Variants in PDK1 observed in about 807,000 individuals in gnomAD.
PDK1 encodes the protein pyruvate dehydrogenase kinase 1.
Under a neutral mutation model 54.2 loss-of-function variants are expected in PDK1, and 39 were observed. The ratio of observed to expected loss-of-function variants is 0.72; its 90% CI spans 0.56 to 0.94. The LOEUF (loss-of-function observed/expected upper bound fraction) is 0.94. Among genes scored for constraint, PDK1 ranks in the 40% least tolerant of loss-of-function variants. The pLI is 0.00. For synonymous variants in PDK1, 221 were observed against 207.1 expected (o/e 1.07, Z -0.58); for missense variants, 552 against 566.0 (o/e 0.98, Z 0.25).
At chr2:172,659,645 A>G in the PDK1 span, among the ~76,000 whole-genome samples, 4 of 152,344 alleles carry the variant, frequency 2.6e-5, no homozygotes, top group East Asian at 5.8e-4. Flanking sequence ...AAAAACTCAT[A>G]ATTTTGAATC....
chr2:172,556,059 C>T, upstream of PDK1: 2 of 989,810 alleles, frequency 2.0e-6, no homozygotes, highest in Non-Finnish European at 2.7e-6. Flanking sequence ...CCGATCCCCG[C>T]CCCTGCTGCC....
chr2:172,624,019 TTCTC>T, the PDK1 span, among the ~76,000 whole-genome samples: 3 of 152,182 alleles, frequency 2.0e-5, no homozygotes, highest in Non-Finnish European at 4.4e-5. Context: ...GAGCCTTTCT[TTCTC>T]TGTTCCTCTC....
the PDK1 span, among the ~76,000 whole-genome samples, chr2:172,632,444 T>C: frequency 2.8e-4 from 42 of 152,176 alleles, no homozygotes. Context: ...TTTAGTGAGT[T>C]TTTTTGGTAA....
intron 10 of PDK1, 123 bp from the exon 11 acceptor site, chr2:172,595,706 A>G (rs1401227037): frequency 1.4e-6 from 1 of 703,932 alleles, no homozygotes; most frequent in Non-Finnish European, 2.4e-6. Context: ...TGGTATAAGG[A>G]TTAATAAGAT....
In PDK1 at chr2:172,603,434, G is replaced by T. The variant is rs982820567; in HGVS notation, c.*7465G>T. Reference sequence around the variant, plus strand: ...TAACTAGTGGAAATCCTGATAATTGGCTAATGCAAGGAAGTGATACCCATG... The same window carrying T: ...TAACTAGTGGAAATCCTGATAATTGTCTAATGCAAGGAAGTGATACCCATG... On this transcript the variant is annotated 3_prime_UTR_variant, in exon 11 of 11. Coordinates refer to ENST00000282077, the MANE Select transcript of PDK1 (RefSeq NM_002610.5). 1 of 152,182 alleles carries T rather than the reference G, an allele frequency of 6.6e-6. No homozygotes were observed. The highest frequency in any genetic ancestry group is 2.4e-5 in the African/African-American group (1 of 41,434). 9.4% of individuals were successfully genotyped at this position (152,182 alleles called of 1,614,324 possible).
the PDK1 span, among the ~76,000 whole-genome samples, chr2:172,631,254 T>A: frequency 7.1e-4 from 108 of 152,360 alleles, no homozygotes; most frequent in Admixed American, 1.2e-3. Context: ...TCCCATCCCA[T>A]CGTATGTCAT....
At chr2:172,704,798 GAAGAAATGGTCACA>G in the PDK1 span, among the ~76,000 whole-genome samples, 103 of 152,204 alleles carry the variant, frequency 6.8e-4, no homozygotes, top group South Asian at 1.2e-3. Context: ...GAGGCTAAGT[GAAGAAATGGTCACA>G]TAGAACTGTA....
the PDK1 span, among the ~76,000 whole-genome samples, chr2:172,634,734 T>C: frequency 6.6e-6 from 1 of 150,560 alleles, no homozygotes; most frequent in Non-Finnish European, 1.5e-5. Flanking sequence ...CAATCCTACC[T>C]TCTAATCTCT....
the PDK1 span, among the ~76,000 whole-genome samples, chr2:172,619,059 A>G: frequency 6.6e-6 from 1 of 152,140 alleles, no homozygotes; most frequent in African/African-American, 2.4e-5. Flanking sequence ...TCTTCCTAGT[A>G]CTCATACATT....
intron 5 of PDK1, among the ~76,000 whole-genome samples, chr2:172,565,921 T>C (rs1574473822): frequency 6.6e-6 from 1 of 152,248 alleles, no homozygotes. Context: ...TAGGTTGTTT[T>C]AATTTTTTTC....
At chr2:172,649,501 A>G in the PDK1 span, among the ~76,000 whole-genome samples, 2 of 152,230 alleles carry the variant, frequency 1.3e-5, no homozygotes, top group East Asian at 3.8e-4. Context: ...GAGTTGAGAG[A>G]AGAAGGCTTC....
chr2:172,579,614 C>T (rs1689782437), intron 8 of PDK1, among the ~76,000 whole-genome samples: 1 of 140,040 alleles, frequency 7.1e-6, no homozygotes, highest in African/African-American at 2.7e-5. Flanking sequence ...TCCTGCTGTT[C>T]TTTTTGAGAA....
intron 1 of PDK1, 124 bp from the exon 2 acceptor site, chr2:172,558,584 C>A: frequency 1.3e-6 from 1 of 787,108 alleles, no homozygotes; most frequent in East Asian, 2.7e-5. Flanking sequence ...TATTCCCTGC[C>A]CCATCGTGGT....
chr2:172,596,076 A>T lies in PDK1; in HGVS notation c.*107A>T, dbSNP rs1039329265. The T allele has an allele frequency of 5.3e-6, 5 of 945,100 alleles. No individual in the cohort carries two copies. In the African/African-American group the frequency reaches 8.2e-5, roughly 15 times the overall value. 58.5% of individuals were successfully genotyped at this position (945,100 alleles called of 1,614,324 possible). On this transcript the variant is annotated 3_prime_UTR_variant, in exon 11 of 11. Coordinates refer to ENST00000282077, the MANE Select transcript of PDK1 (RefSeq NM_002610.5). ...AAGTACTTTATTTATCGTTTTCACA[A>T]AACTATTTGAGTAGAATAAATGGAA...
the PDK1 span, among the ~76,000 whole-genome samples, chr2:172,621,717 T>TTATATGTTTATATCTCATATGTCA: frequency 1.5e-4 from 21 of 137,672 alleles, no homozygotes; most frequent in African/African-American, 4.2e-4. Context: ...ATCAAACATG[T>TTATATGTTTATATCTCATATGTCA]TATATGTTTA....
chr2:172,588,300 G>T (rs1190400718), intron 9 of PDK1, among the ~76,000 whole-genome samples: 2 of 152,178 alleles, frequency 1.3e-5, no homozygotes, highest in Non-Finnish European at 2.9e-5. Flanking sequence ...ATGGAGAGCG[G>T]CATAGTGAGC....
At chr2:172,561,090 G>A (rs1480219926) in intron 2 of PDK1, among the ~76,000 whole-genome samples, 1 of 152,116 alleles carries the variant, frequency 6.6e-6, no homozygotes. Context: ...TGGATTAAAT[G>A]GGAAGCATTT....
At chr2:172,621,863 C>CATAT in the PDK1 span, among the ~76,000 whole-genome samples, 1 of 137,786 alleles carries the variant, frequency 7.3e-6, no homozygotes, top group African/African-American at 2.7e-5. Context: ...GTTTATATCT[C>CATAT]ATATGTATGA....
chr2:172,561,226 T>G (rs138515424), intron 2 of PDK1, among the ~76,000 whole-genome samples: 43 of 152,302 alleles, frequency 2.8e-4, no homozygotes, highest in Non-Finnish European at 5.4e-4. Flanking sequence ...AGTCATGAGG[T>G]CTGATCGGTG....
Sources: allele counts gnomAD v4.1 joint callset (sites outside exome capture counted in the v4.1 genomes callset), GRCh38; gene constraint gnomAD v4.1.1; transcripts MANE v1.5; gene names NCBI Gene and HGNC (gene_info 2026-07-23, HGNC 2026-07-21).